RBM41: variants seen among roughly 807,000 people sequenced by gnomAD.
RBM41 encodes the protein RNA-binding protein 41.
Under a neutral mutation model 30.8 loss-of-function variants are expected in RBM41, and 14 were observed. The ratio of observed to expected loss-of-function variants is 0.45; its 90% CI spans 0.30 to 0.71. The LOEUF is 0.71. Among genes scored for constraint, RBM41 ranks in the 30% least tolerant of loss-of-function variants. The probability of loss-of-function intolerance (pLI) is 0.08; values close to 1 mark genes in which losing one functional copy is unlikely to be tolerated. For missense variants in RBM41, 276 were observed against 326.3 expected (o/e 0.85, Z 1.19); for synonymous variants, 120 against 110.1 (o/e 1.09, Z -0.56).
intron 1 of RBM41, among the ~76,000 whole-genome samples, chrX:107,118,048 G>A (rs1422104893): frequency 8.9e-6 from 1 of 111,735 alleles, no homozygotes; most frequent in Admixed American, 9.4e-5. Context: ...AATTTTAAAT[G>A]CACTGCACTA....
chrX:107,066,235 G>A lies in RBM41; in HGVS notation c.*1292C>T, dbSNP rs1935833084. On this transcript the variant is annotated 3_prime_UTR_variant, in exon 8 of 8. Transcript: ENST00000685964. Reference sequence around the variant, plus strand: ...GATGGCTCATTTTTCTCGTATTGCTGTTAAGATTTTCTTTTCGTTTTTGGG... The same window carrying A: ...GATGGCTCATTTTTCTCGTATTGCTATTAAGATTTTCTTTTCGTTTTTGGG... The A allele has an allele frequency of 9.0e-6, 1 of 111,359 alleles. No homozygotes were observed. Among genetic ancestry groups the A allele is most frequent in the Non-Finnish European group, 1.9e-5 (1 of 53,050 alleles). 9.2% of individuals were successfully genotyped at this position (111,359 alleles called of 1,213,427 possible).
chrX:107,089,279 T>C (rs750776996), intron 5 of RBM41, among the ~76,000 whole-genome samples: 10 of 112,126 alleles, frequency 8.9e-5, no homozygotes, highest in Admixed American at 2.8e-4. Flanking sequence ...ACTTTTATTC[T>C]AAAACAGTGC....
chrX:107,116,252 A>G lies in RBM41; in HGVS notation c.126-198T>C, dbSNP rs769780595. 96 of 964,244 alleles carry G rather than the reference A, an allele frequency of 1.0e-4. No homozygotes were observed. In the East Asian group the frequency reaches 3.5e-3, roughly 35 times the overall value. 79.5% of individuals were successfully genotyped at this position (964,244 alleles called of 1,213,427 possible). A position where few individuals can be genotyped will look rare whatever the true frequency, so the allele number is the denominator to read the frequency against. ...TCATCCAGGAATAATAAACTAAATC[A>G]ACAAATATTTATTGAGTACTTACTA... On this transcript the variant is annotated intron_variant, in intron 2 of 7. Coordinates refer to ENST00000685964, the MANE Select transcript of RBM41 (RefSeq NM_001324242.2).
intron 5 of RBM41, among the ~76,000 whole-genome samples, chrX:107,111,637 C>T (rs771093947): frequency 1.7e-3 from 193 of 111,416 alleles, no homozygotes; most frequent in Non-Finnish European, 4.0e-4. Context: ...AACATGGAAA[C>T]AACTTAAGCA....
chrX:107,089,823 T>C (rs1215082161), intron 5 of RBM41, among the ~76,000 whole-genome samples: 1 of 111,662 alleles, frequency 9.0e-6, no homozygotes. Flanking sequence ...ATTATTAAAT[T>C]TTCCCATTCA....
chrX:107,074,718 A>G (rs1359538084), intron 6 of RBM41, among the ~76,000 whole-genome samples: 1 of 111,860 alleles, frequency 8.9e-6, no homozygotes, highest in Non-Finnish European at 1.9e-5. Flanking sequence ...AAGGAGGTGA[A>G]AGACTTGTAC....
At chrX:107,118,170 T>C (rs1925040611) in intron 1 of RBM41, among the ~76,000 whole-genome samples, 1 of 110,174 alleles carries the variant, frequency 9.1e-6, no homozygotes, top group Non-Finnish European at 1.9e-5. Flanking sequence ...TCAGGACAAG[T>C]AAGGGGAACT....
chrX:107,110,698 C>T (rs1393551374), intron 5 of RBM41, among the ~76,000 whole-genome samples: 1 of 111,189 alleles, frequency 9.0e-6, no homozygotes, highest in Non-Finnish European at 1.9e-5. Flanking sequence ...AAACTTACTA[C>T]AAGGTTACAG....
the RBM41 span, among the ~76,000 whole-genome samples, chrX:107,054,437 C>A: frequency 5.4e-5 from 6 of 111,648 alleles, no homozygotes; most frequent in African/African-American, 9.8e-5. Flanking sequence ...AAAGAAAAGT[C>A]TGCCCCACTG....
At chrX:107,099,138 T>A (rs1923234657) in intron 5 of RBM41, among the ~76,000 whole-genome samples, 3 of 112,084 alleles carry the variant, frequency 2.7e-5, no homozygotes, top group African/African-American at 9.7e-5. Flanking sequence ...ACTACAGAAT[T>A]GGAATATACA....
intron 6 of RBM41, among the ~76,000 whole-genome samples, chrX:107,087,521 TTCCAGA>T (rs1430639528): frequency 8.9e-6 from 1 of 112,115 alleles, no homozygotes; most frequent in Non-Finnish European, 1.9e-5. Flanking sequence ...GAGTTTTCCA[TTCCAGA>T]TGTAACATAT....
rs967691060 is a variant in RBM41, at chrX:107,116,126, C to A, written c.126-72G>T. The A allele has an allele frequency of 1.4e-5, 14 of 1,016,953 alleles. No individual in the cohort carries two copies. In the Admixed American group the frequency reaches 5.0e-4, roughly 37 times the overall value. 83.8% of individuals were successfully genotyped at this position (1,016,953 alleles called of 1,213,427 possible). ...CATTCACAAAAATGGAGGTTCAGCA[C>A]TGTAAGAGGTACAATGAAACTCACC... On this transcript the variant is annotated intron_variant, in intron 2 of 7. Coordinates refer to ENST00000685964, the MANE Select transcript of RBM41 (RefSeq NM_001324242.2).
downstream of RBM41, among the ~76,000 whole-genome samples, chrX:107,057,412 C>T (rs1352593806): frequency 8.9e-6 from 1 of 111,880 alleles, no homozygotes; most frequent in Non-Finnish European, 1.9e-5. Context: ...GTTGTTTAAG[C>T]ATCTTTCATT....
chrX:107,094,155 T>A (rs1201555572), intron 5 of RBM41, among the ~76,000 whole-genome samples: 3 of 111,975 alleles, frequency 2.7e-5, no homozygotes, highest in Admixed American at 1.9e-4. Context: ...ATAATACTAA[T>A]CCTGCAGAAA....
chrX:107,090,130 C>G (rs1475950373), intron 5 of RBM41, among the ~76,000 whole-genome samples: 3 of 111,518 alleles, frequency 2.7e-5, no homozygotes, highest in African/African-American at 9.8e-5. Flanking sequence ...AATCCCAGCA[C>G]TTTGGGAGGC....
At chrX:107,082,944 T>C (rs1022440484) in intron 6 of RBM41, among the ~76,000 whole-genome samples, 1 of 111,710 alleles carries the variant, frequency 9.0e-6, no homozygotes, top group Non-Finnish European at 1.9e-5. Context: ...TAGATTGTTT[T>C]AAAATGAGAA....
chrX:107,054,592 C>T, the RBM41 span, among the ~76,000 whole-genome samples: 550 of 111,664 alleles, frequency 4.9e-3, 2 homozygotes, highest in Non-Finnish European at 7.4e-3. Context: ...TTTCGCCGTA[C>T]CTGGGAATCT....
In RBM41 at chrX:107,069,384, G is replaced by A. The variant is rs1371254109; in HGVS notation, c.1018C>T (p.Leu340Phe). 14 of 1,199,337 alleles carry A rather than the reference G, an allele frequency of 1.2e-5. No homozygotes were observed. The highest frequency in any genetic ancestry group is 1.6e-5 in the Non-Finnish European group (14 of 888,312). Residue 340 changes from leucine to phenylalanine, a missense_variant, in exon 7 of 8, where the codon CTT becomes TTT. Coordinates refer to ENST00000685964, the MANE Select transcript of RBM41 (RefSeq NM_001324242.2). ...TCTCTTTCAGTCACCCGAGGGCTAA[G>A]GTTCTTCAGGTATAATACCTAAAAC... ...EPNKVLYLKN[L>F]SPRVTERDLV...
chrX:107,065,587 T>A lies in RBM41; in HGVS notation c.*1940A>T. ...ACATTATTATAATTACTTAATATAA[T>A]TTTACATCTTTAAAAGAAGCTGAGA... On this transcript the variant is annotated 3_prime_UTR_variant, in exon 8 of 8. Transcript: ENST00000685964. The A allele has an allele frequency of 2.6e-6, 1 of 390,296 alleles. No homozygotes were observed. Among genetic ancestry groups the A allele is most frequent in the Non-Finnish European group, 4.1e-6 (1 of 243,337 alleles). The allele number at this position is 390,296 out of a possible 1,213,427, so 32.2% of individuals were successfully genotyped here.
Sources: allele counts gnomAD v4.1 joint callset (sites outside exome capture counted in the v4.1 genomes callset), GRCh38; gene constraint gnomAD v4.1.1; transcripts MANE v1.5; gene names NCBI Gene and HGNC (gene_info 2026-07-23, HGNC 2026-07-21).